The following BAIAP2L2 variants were observed in gnomAD, a reference collection of about 807,000 sequenced individuals.
BAIAP2L2 encodes BAR/IMD domain containing adaptor protein 2 like 2, also known as BAR/IMD domain-containing adapter protein 2-like 2.
Under a neutral mutation model 60.4 loss-of-function variants are expected in BAIAP2L2, and 65 were observed. That is an observed-to-expected ratio of 1.08 (90% CI 0.88 to 1.32). BAIAP2L2 has a LOEUF of 1.32. Among genes scored for constraint, BAIAP2L2 ranks in the 40% most tolerant of loss-of-function variants. The pLI is 0.00. For missense variants in BAIAP2L2, 836 were observed against 741.2 expected, an observed-to-expected ratio of 1.13 and a Z score of -1.48; for synonymous variants, 344 against 301.7, an observed-to-expected ratio of 1.14 and a Z score of -1.45.
At position 38,085,169 on chromosome 22, in the gene BAIAP2L2, G is replaced by C. The variant is rs2086016971; in HGVS notation, c.*131C>G. Reference sequence around the variant, plus strand: ...GCTGCTCAGGCTGCCGGGGTGGTCTGGGGAGGGCAGCCACCCCCCGTCTCA... The same window carrying C: ...GCTGCTCAGGCTGCCGGGGTGGTCTCGGGAGGGCAGCCACCCCCCGTCTCA... On this transcript the variant is annotated 3_prime_UTR_variant, in exon 14 of 14. Coordinates refer to ENST00000381669, the MANE Select transcript of BAIAP2L2 (RefSeq NM_025045.6). The C allele has an allele frequency of 2.1e-6, 2 of 946,294 alleles. No homozygotes were observed. Among genetic ancestry groups the C allele is most frequent in the Non-Finnish European group, 3.2e-6 (2 of 625,466 alleles). 58.6% of individuals were successfully genotyped at this position (946,294 alleles called of 1,614,324 possible). A position where few individuals can be genotyped will look rare whatever the true frequency, so the allele number is the denominator to read the frequency against.
intron 4 of BAIAP2L2, among the ~76,000 whole-genome samples, chr22:38,104,459 G>A (rs1053259925): frequency 1.3e-5 from 2 of 152,030 alleles, no homozygotes; most frequent in Non-Finnish European, 2.9e-5. Flanking sequence ...AGAAACAGAC[G>A]GAAGGGGAAC....
At chr22:38,102,545 A>G (rs1013792604) in intron 4 of BAIAP2L2, among the ~76,000 whole-genome samples, 5 of 152,132 alleles carry the variant, frequency 3.3e-5, no homozygotes, top group African/African-American at 1.2e-4. Flanking sequence ...TAGAAAAAAG[A>G]GAATATGGAA....
At position 38,088,880 on chromosome 22, in the gene BAIAP2L2, A is replaced by G; in HGVS notation, c.986T>C (p.Val329Ala). 7 of 1,587,360 alleles carry G rather than the reference A, an allele frequency of 4.4e-6. No individual in the cohort carries two copies. Among genetic ancestry groups the G allele is most frequent in the African/African-American group, 1.3e-5 (1 of 74,680 alleles). ...CTCCGAGTGGGAGACCAGGGCGCGG[A>G]CTCTCCTGGCGCCCCCGCCGCCGCC... ...RPGGGGGARR[V>A]RALVSHSEGA... Residue 329 changes from valine (V) to alanine (A), a missense_variant, in exon 10 of 14, where the codon GTC (valine) becomes GCC (alanine). Val to Ala is a moderately conservative substitution (Grantham distance 64). Transcript: ENST00000381669.
chr22:38,110,499 G>A lies in BAIAP2L2; in HGVS notation c.27C>T (p.Tyr9=), dbSNP rs917875218. 6.2e-7 allele frequency: 1 copy of A among 1,611,846 alleles called. No individual in the cohort carries two copies. Among genetic ancestry groups the A allele is most frequent in the African/African-American group, 1.3e-5 (1 of 74,856 alleles). Residue 9 remains tyrosine, a synonymous_variant, in exon 1 of 14, where the codon TAC becomes TAT. Coordinates refer to ENST00000381669, the MANE Select transcript of BAIAP2L2 (RefSeq NM_025045.6). Reference sequence around the variant, plus strand: ...CCTTGTAGATGGCCATGGTGGACCTGTAGAACTGGTCCATCTCGGGGGCCA... The same window carrying A: ...CCTTGTAGATGGCCATGGTGGACCTATAGAACTGGTCCATCTCGGGGGCCA... The part of the protein sequence containing the change: MAPEMDQF[Y]RSTMAIYKSI...
Position 38,089,549 on chromosome 22 carries a change from G to A in BAIAP2L2, c.738C>T (p.Gly246=), listed in dbSNP as rs2086227679. ...TGTCCAGGCAGGTGGGCGTCAGGCG[G>A]CCCGAGGGGTAGGGCGGCCCCAGCG... ...GPALGPPYPS[G]RLTPTCLDMP... Residue 246 remains glycine, a synonymous_variant, in exon 8 of 14, where the codon GGC becomes GGT. Transcript: ENST00000381669. 1.6e-6 allele frequency: 2 copies of A among 1,225,090 alleles called. No homozygotes were observed. The highest frequency in any genetic ancestry group is 3.2e-5 in the East Asian group (1 of 31,108). 75.9% of individuals were successfully genotyped at this position (1,225,090 alleles called of 1,614,324 possible). A position where few individuals can be genotyped will look rare whatever the true frequency, so the allele number is the denominator to read the frequency against.
At position 38,088,821 on chromosome 22, in the gene BAIAP2L2, C is replaced by CAGCGGAGA. The variant is rs1569217766; in HGVS notation, c.1037_1044dup (p.Gly349SerfsTer37). The CAGCGGAGA allele has an allele frequency of 6.2e-7, 1 of 1,600,888 alleles. No homozygotes were observed. The highest frequency in any genetic ancestry group is 1.1e-5 in the South Asian group (1 of 91,026). On this transcript the variant is annotated frameshift_variant, in exon 10 of 14. Transcript: ENST00000381669. LOFTEE classifies it high-confidence loss of function. The stretch of plus-strand genomic sequence containing the variant: ...GGCACCAACACCTCCACCACGTCCC[C>CAGCGGAGA]AGCGGAGAAGCGCAGCAGCGTGTGG...
intron 7 of BAIAP2L2, chr22:38,090,806 A>G (rs1389417788): frequency 6.6e-6 from 1 of 152,158 alleles, no homozygotes; most frequent in Non-Finnish European, 1.5e-5. Context: ...CCCTACGACT[A>G]CACTTTCAAT....
At chr22:38,108,377 G>A (rs753657454) in intron 2 of BAIAP2L2, 36 bp from the exon 3 acceptor site, 4 of 1,526,924 alleles carry the variant, frequency 2.6e-6, no homozygotes, top group Non-Finnish European at 2.7e-6. Context: ...GTCCAGCCCT[G>A]CCTCTGCCCC....
chr22:38,085,072 G>A lies in BAIAP2L2; in HGVS notation c.*228C>T, dbSNP rs766756118. On this transcript the variant is annotated 3_prime_UTR_variant, in exon 14 of 14. Transcript: ENST00000381669. ...GAGAGTCCTGGAGCCCCTGGAGGGG[G>A]AGAAATTGTCCTGTCCCCCCATTCC... 5.0e-5 allele frequency: 26 copies of A among 519,460 alleles called. No homozygotes were observed. Among genetic ancestry groups the A allele is most frequent in the Non-Finnish European group, 7.3e-5 (21 of 287,380 alleles). 32.2% of individuals were successfully genotyped at this position (519,460 alleles called of 1,614,324 possible).
Position 38,086,318 on chromosome 22 carries a change from G to C in BAIAP2L2, c.1391C>G (p.Pro464Arg). The change falls in exon 12 of 14, where the codon CCC (proline) becomes CGC (arginine). Residue 464 changes from proline to arginine, a missense_variant. Physicochemically the swap from Pro to Arg is moderately radical, Grantham distance 103. Coordinates refer to ENST00000381669, the MANE Select transcript of BAIAP2L2 (RefSeq NM_025045.6). ...GGGCAAGGGTGGAGGTGCAGGGCTGGGGGCACGGCTTGGCACCCGGCTTGG... is the reference window on the plus strand; with the variant it reads ...GGGCAAGGGTGGAGGTGCAGGGCTGCGGGCACGGCTTGGCACCCGGCTTGG... ...RTPSRVPSRA[P>R]SPAPPPLPSS... The C allele has an allele frequency of 6.3e-7, 1 of 1,585,336 alleles. No homozygotes were observed. The highest frequency in any genetic ancestry group is 8.6e-7 in the Non-Finnish European group (1 of 1,162,142).
At position 38,089,141 on chromosome 22, in the gene BAIAP2L2, G is replaced by A. The variant is rs1460036612; in HGVS notation, c.856C>T (p.Gln286Ter). 1 of 1,348,488 alleles carries A rather than the reference G, an allele frequency of 7.4e-7. No homozygotes were observed. The highest frequency in any genetic ancestry group is 3.0e-5 in the East Asian group (1 of 33,190). 83.5% of individuals were successfully genotyped at this position (1,348,488 alleles called of 1,614,324 possible). Residue 286 changes from glutamine (Q) to a stop codon, truncating the protein, a stop_gained, in exon 9 of 14, where the codon CAG (glutamine) becomes TAG (stop). Coordinates refer to ENST00000381669, the MANE Select transcript of BAIAP2L2 (RefSeq NM_025045.6). LOFTEE classifies it high-confidence loss of function. ...AGGGAGCGACGGTCTGGCTCTAGCT[G>A]GGACGCGGGCCTCGCGTCGGGCTCG... is the stretch of plus-strand genomic sequence containing the variant. ...GTEPDARPAS[Q>*]LEPDRRSLPR...
chr22:38,102,822 G>A (rs896344796), intron 4 of BAIAP2L2, among the ~76,000 whole-genome samples: 63 of 151,872 alleles, frequency 4.1e-4, no homozygotes, highest in African/African-American at 1.1e-3. Flanking sequence ...GGTGGATCAC[G>A]AGGTCAGGAT....
Position 38,089,229 on chromosome 22 carries a change from G to A in BAIAP2L2, c.768C>T (p.Pro256=). The change falls in exon 9 of 14, where the codon CCC becomes CCT. Residue 256 remains proline, a splice_region_variant and synonymous_variant. Coordinates refer to ENST00000381669, the MANE Select transcript of BAIAP2L2 (RefSeq NM_025045.6). The part of the protein sequence containing the change: ...GRLTPTCLDM[P]PRPLGEFSSP... ...AGCTGAACTCTCCCAGGGGCCTCGG[G>A]GGCTGCGGGGGAGATGGGCAGGGGA... The A allele has an allele frequency of 2.0e-6, 2 of 1,001,822 alleles. No homozygotes were observed. Among genetic ancestry groups the A allele is most frequent in the Non-Finnish European group, 2.6e-6 (2 of 782,932 alleles). 62.1% of individuals were successfully genotyped at this position (1,001,822 alleles called of 1,614,324 possible).
intron 10 of BAIAP2L2, 30 bp downstream of exon 10, chr22:38,088,712 CAACCCA>C: frequency 3.2e-6 from 5 of 1,542,382 alleles, no homozygotes; most frequent in Non-Finnish European, 4.4e-6. Context: ...GCCTTCTTCT[CAACCCA>C]CCCCCGGCCC....
intron 7 of BAIAP2L2, chr22:38,091,023 CAT>C (rs757740856): frequency 6.6e-6 from 1 of 152,344 alleles, no homozygotes; most frequent in Non-Finnish European, 1.5e-5. Flanking sequence ...GTTTCAGAGA[CAT>C]AAGCAAAGTG....
chr22:38,109,095 C>G, intron 2 of BAIAP2L2, 38 bp downstream of exon 2: 2 of 1,561,176 alleles, frequency 1.3e-6, no homozygotes, highest in Non-Finnish European at 1.8e-6. Context: ...ACAGCAGAGG[C>G]CCAGGGCTGG....
chr22:38,085,304 C>A lies in BAIAP2L2; in HGVS notation c.1586G>T (p.Arg529Leu), dbSNP rs185758992. 2.1e-4 allele frequency: 346 copies of A among 1,613,814 alleles called. 3 individuals are homozygous for A. In the East Asian group the frequency reaches 6.9e-3, roughly 32 times the overall value. ...ITNDRSAPLI[R>L] ...GGTACGACCTCGGACCCCGCCTCAG[C>A]GGATGAGGGGTGCTGAGCGGTCATT... is the stretch of plus-strand genomic sequence containing the variant. Residue 529 changes from arginine to leucine, a missense_variant, in exon 14 of 14, where the codon CGC becomes CTC. Physicochemically the swap from Arg to Leu is moderately radical, Grantham distance 102. Coordinates refer to ENST00000381669, the MANE Select transcript of BAIAP2L2 (RefSeq NM_025045.6).
In BAIAP2L2 at chr22:38,110,643, G is replaced by A. The variant is rs1466181580; in HGVS notation, c.-118C>T. ...ACTCAGCTGGCAGCGAGGAAGCCTCGGAGAGGGACCTGGAGATGGAGGCCT... is the reference window on the plus strand; with the variant it reads ...ACTCAGCTGGCAGCGAGGAAGCCTCAGAGAGGGACCTGGAGATGGAGGCCT... On this transcript the variant is annotated 5_prime_UTR_variant, in exon 1 of 14. Coordinates refer to ENST00000381669, the MANE Select transcript of BAIAP2L2 (RefSeq NM_025045.6). 5 of 772,590 alleles carry A rather than the reference G, an allele frequency of 6.5e-6. No individual in the cohort carries two copies. The highest frequency in any genetic ancestry group is 2.9e-5 in the Admixed American group (1 of 34,206). The allele number at this position is 772,590 out of a possible 1,614,324, so 47.9% of individuals were successfully genotyped here.
Position 38,088,879 on chromosome 22 carries a change from G to A in BAIAP2L2, c.987C>T (p.Val329=). Residue 329 remains valine (V), a synonymous_variant, in exon 10 of 14, where the codon GTC becomes GTT. Coordinates refer to ENST00000381669, the MANE Select transcript of BAIAP2L2 (RefSeq NM_025045.6). ...RPGGGGGARR[V]RALVSHSEGA... ...CCTCCGAGTGGGAGACCAGGGCGCG[G>A]ACTCTCCTGGCGCCCCCGCCGCCGC... The A allele has an allele frequency of 6.3e-7, 1 of 1,588,112 alleles. No individual in the cohort carries two copies. The highest frequency in any genetic ancestry group is 8.5e-7 in the Non-Finnish European group (1 of 1,175,002).
Sources: gnomAD v4.1 joint callset for allele counts (sites outside exome capture counted in the v4.1 genomes callset) on GRCh38, gnomAD v4.1.1 for gene constraint, MANE v1.5 for transcripts, NCBI Gene and HGNC (gene_info 2026-07-23, HGNC 2026-07-21) for gene names.